The following HSD17B12 variants were observed in gnomAD, a reference collection of about 807,000 sequenced individuals.
HSD17B12 encodes hydroxysteroid 17-beta dehydrogenase 12, also known as very-long-chain 3-oxoacyl-CoA reductase.
A neutral mutation model predicts 39.3 loss-of-function variants in HSD17B12; 32 were observed. The observed-to-expected ratio is 0.81, with a 90% CI of 0.61 to 1.09. The LOEUF is 1.09. Among genes scored for constraint, HSD17B12 ranks in the 50% least tolerant of loss-of-function variants. The pLI, the probability that HSD17B12 is intolerant of heterozygous loss-of-function variation, is 0.00. For missense variants in HSD17B12, 342 were observed against 382.9 expected (o/e 0.89, Z 0.89); for synonymous variants, 150 against 146.7 (o/e 1.02, Z -0.16).
chr11:43,658,074 T>TGTTCA, the HSD17B12 span, among the ~76,000 whole-genome samples: 1 of 152,346 alleles, frequency 6.6e-6, no homozygotes, highest in Admixed American at 6.5e-5. Flanking sequence ...GTCCCATATT[T>TGTTCA]CTTGGAGGCT....
intron 1 of HSD17B12, among the ~76,000 whole-genome samples, chr11:43,737,377 T>C (rs1950326295): frequency 6.6e-6 from 1 of 152,238 alleles, no homozygotes; most frequent in Non-Finnish European, 1.5e-5. Flanking sequence ...TTGTTGACTG[T>C]ATAAAATCTG....
the HSD17B12 span, among the ~76,000 whole-genome samples, chr11:43,603,847 T>C: frequency 2.0e-5 from 3 of 152,184 alleles, no homozygotes; most frequent in Non-Finnish European, 4.4e-5. Context: ...TATTTTTCCA[T>C]ATTTATTCTT....
chr11:43,790,754 G>A (rs1046672205), intron 3 of HSD17B12, among the ~76,000 whole-genome samples: 1 of 152,216 alleles, frequency 6.6e-6, no homozygotes, highest in Admixed American at 6.5e-5. Flanking sequence ...CACTTTGGGA[G>A]GCTGAGGCAG....
chr11:43,594,614 A>C, the HSD17B12 span, among the ~76,000 whole-genome samples: 2 of 151,416 alleles, frequency 1.3e-5, no homozygotes, highest in Admixed American at 6.6e-5. Context: ...ACTGGCTGCT[A>C]AGTTTGGCTT....
At chr11:43,817,240 A>G (rs1951138921) in intron 6 of HSD17B12, among the ~76,000 whole-genome samples, 1 of 152,062 alleles carries the variant, frequency 6.6e-6, no homozygotes, top group Non-Finnish European at 1.5e-5. Flanking sequence ...GATTCTGGAT[A>G]TTAGTCCTTT....
chr11:43,840,020 C>T lies in HSD17B12; in HGVS notation c.640C>T (p.Gln214Ter). The change falls in exon 9 of 11, where the codon CAG becomes TAG. Residue 214 changes from glutamine (Q) to a stop codon, truncating the protein, a stop_gained. Transcript: ENST00000278353. LOFTEE classifies it high-confidence loss of function. Reference protein sequence around the residue: ...ATKTFVDFFSQCLHEEYRSKG... With the variant: ...ATKTFVDFFS ...CCAGACTTTTGTAGATTTCTTCTCT[C>T]AGTGCCTCCATGAGGAGTATAGGAG... 1 of 1,612,614 alleles carries T rather than the reference C, an allele frequency of 6.2e-7. No individual in the cohort carries two copies. The highest frequency in any genetic ancestry group is 8.5e-7 in the Non-Finnish European group (1 of 1,179,066).
intron 1 of HSD17B12, chr11:43,734,200 G>A: frequency 1.3e-6 from 2 of 1,572,546 alleles, no homozygotes; most frequent in Non-Finnish European, 1.7e-6. Flanking sequence ...CCAGGCAGGT[G>A]AGCGACGACC....
the HSD17B12 span, among the ~76,000 whole-genome samples, chr11:43,622,434 A>C: frequency 6.6e-6 from 1 of 152,072 alleles, no homozygotes; most frequent in Non-Finnish European, 1.5e-5. Flanking sequence ...CCATTTCTAC[A>C]AAAAATAAAA....
chr11:43,767,439 T>C (rs1283541221), intron 3 of HSD17B12, among the ~76,000 whole-genome samples: 1 of 152,202 alleles, frequency 6.6e-6, no homozygotes, highest in Non-Finnish European at 1.5e-5. Flanking sequence ...TCCTTTCTTA[T>C]CATGAAAAGA....
At chr11:43,714,675 C>A (rs186655164) in intron 1 of HSD17B12, among the ~76,000 whole-genome samples, 2 of 152,154 alleles carry the variant, frequency 1.3e-5, no homozygotes, top group Non-Finnish European at 1.5e-5. Context: ...TCATTGGTAG[C>A]TTGATGGGGA....
At chr11:43,695,804 G>A (rs1949906158) in intron 1 of HSD17B12, among the ~76,000 whole-genome samples, 1 of 152,126 alleles carries the variant, frequency 6.6e-6, no homozygotes. Context: ...TAAACAGTCA[G>A]ATTGGGTCAT....
chr11:43,839,878 GA>G, intron 8 of HSD17B12, 120 bp from the exon 9 acceptor site: 4 of 854,982 alleles, frequency 4.7e-6, no homozygotes, highest in East Asian at 2.7e-5. Flanking sequence ...CGTTTGAAAT[GA>G]AAAAAATGAT....
chr11:43,723,617 G>A (rs2862992), intron 1 of HSD17B12, among the ~76,000 whole-genome samples: 1,964 of 152,226 alleles, frequency 0.013, 61 homozygotes, highest in African/African-American at 0.043. Context: ...TAAATTCAAT[G>A]TATATTATAT....
At chr11:43,708,565 T>C (rs1043114843) in intron 1 of HSD17B12, among the ~76,000 whole-genome samples, 2 of 152,342 alleles carry the variant, frequency 1.3e-5, no homozygotes, top group Middle Eastern at 3.4e-3. Flanking sequence ...AATTTTATCA[T>C]TGCAAAAGAA....
chr11:43,840,535 C>A (rs144550682), intron 9 of HSD17B12, among the ~76,000 whole-genome samples: 1 of 152,112 alleles, frequency 6.6e-6, no homozygotes, highest in South Asian at 2.1e-4. Context: ...CAAACATGAA[C>A]TCCCCATTTC....
intron 1 of HSD17B12, among the ~76,000 whole-genome samples, chr11:43,718,189 G>C (rs746989857): frequency 7.2e-5 from 11 of 152,178 alleles, no homozygotes; most frequent in Non-Finnish European, 1.0e-4. Context: ...CTTTTTGATT[G>C]GAGAATGTCA....
At chr11:43,559,402 G>A in the HSD17B12 span, among the ~76,000 whole-genome samples, 4 of 152,120 alleles carry the variant, frequency 2.6e-5, no homozygotes, top group East Asian at 1.9e-4. Context: ...AGCCTTCCCC[G>A]GAGATCCATG....
chr11:43,834,885 GT>G (rs138011200), intron 7 of HSD17B12, among the ~76,000 whole-genome samples: 6,228 of 152,118 alleles, frequency 0.041, 394 homozygotes, highest in African/African-American at 0.14. Flanking sequence ...TCTGCTTTGG[GT>G]TTTTTCGCAA....
intron 1 of HSD17B12, among the ~76,000 whole-genome samples, chr11:43,717,712 G>T (rs958613846): frequency 2.6e-5 from 4 of 152,078 alleles, no homozygotes; most frequent in Non-Finnish European, 4.4e-5. Context: ...ATGGTACTGA[G>T]ATTGTTCCAA....
Sources: allele counts gnomAD v4.1 joint callset (sites outside exome capture counted in the v4.1 genomes callset), GRCh38; gene constraint gnomAD v4.1.1; transcripts MANE v1.5; gene names NCBI Gene and HGNC (gene_info 2026-07-23, HGNC 2026-07-21).